The following FHIT variants were observed in gnomAD, a reference collection of about 807,000 sequenced individuals.
The protein encoded by FHIT is bis(5'-adenosyl)-triphosphatase.
A neutral mutation model predicts 17.9 loss-of-function variants in FHIT; 19 were observed. The observed-to-expected ratio is 1.06, with a 90% CI of 0.74 to 1.56. The LOEUF (loss-of-function observed/expected upper bound fraction) is 1.56, where lower values mean the gene tolerates loss of function less well. Among genes scored for constraint, FHIT ranks in the 40% most tolerant of loss-of-function variants. The pLI is 0.00. For synonymous variants in FHIT, 81 were observed against 69.7 expected, an observed-to-expected ratio of 1.16 and a Z score of -0.81; for missense variants, 248 against 189.2, an observed-to-expected ratio of 1.31 and a Z score of -1.82.
intron 5 of FHIT, among the ~76,000 whole-genome samples, chr3:60,310,380 G>A (rs1436228908): frequency 1.3e-5 from 2 of 152,172 alleles, no homozygotes; most frequent in East Asian, 1.9e-4. Flanking sequence ...CCTGGGGCAA[G>A]AAGTAGAACA....
chr3:60,629,673 G>A (rs1385667695), intron 4 of FHIT, among the ~76,000 whole-genome samples: 1 of 152,202 alleles, frequency 6.6e-6, no homozygotes, highest in Non-Finnish European at 1.5e-5. Context: ...CCTTAAAGCT[G>A]AGTAGCCGTC....
chr3:60,126,317 T>C (rs980959796), intron 5 of FHIT, among the ~76,000 whole-genome samples: 2 of 152,160 alleles, frequency 1.3e-5, no homozygotes, highest in African/African-American at 4.8e-5. Flanking sequence ...CCAGTGCCTC[T>C]CTATATCGTC....
chr3:60,321,535 A>T (rs1709433311), intron 5 of FHIT, among the ~76,000 whole-genome samples: 1 of 152,170 alleles, frequency 6.6e-6, no homozygotes. Context: ...AGAGATGCAT[A>T]ATCAGGCATT....
chr3:59,808,672 G>A (rs1262326988), intron 8 of FHIT, among the ~76,000 whole-genome samples: 5 of 152,150 alleles, frequency 3.3e-5, no homozygotes, highest in Non-Finnish European at 7.4e-5. Flanking sequence ...AGTTTCAGTT[G>A]GCCGTTTGGG....
chr3:59,970,600 C>A (rs557801779), intron 7 of FHIT, among the ~76,000 whole-genome samples: 42 of 152,222 alleles, frequency 2.8e-4, no homozygotes, highest in Admixed American at 2.4e-3. Context: ...AATGTGTTAT[C>A]TGGCAAGGAC....
chr3:60,793,610 C>T lies in FHIT; in HGVS notation c.-18+28309G>A, dbSNP rs924436275. 5.9e-5 allele frequency among the ~76,000 whole-genome samples: 9 copies of T among 152,124 alleles called. No homozygotes were observed. The South Asian group carries it at 8.3e-4, about 14-fold the overall frequency. On this transcript the variant is annotated intron_variant, in intron 4 of 9. Transcript: ENST00000492590. The stretch of plus-strand genomic sequence containing the variant: ...GAGCCATAGCGCCCAGACAAACAAG[C>T]GGGGGTTTCTTAAGGAAGGGCTTCC...
At chr3:60,527,939 GC>G (rs1450717690) in intron 5 of FHIT, among the ~76,000 whole-genome samples, 1 of 152,214 alleles carries the variant, frequency 6.6e-6, no homozygotes, top group African/African-American at 2.4e-5. Flanking sequence ...CTGTGCCTCA[GC>G]TTTTCCATTC....
chr3:60,057,571 C>A (rs529833135), intron 5 of FHIT, among the ~76,000 whole-genome samples: 151 of 152,158 alleles, frequency 9.9e-4, no homozygotes, highest in Non-Finnish European at 7.4e-4. Flanking sequence ...TGAAACCAAC[C>A]CAATAATCCC....
chr3:60,312,592 T>G (rs909718691), intron 5 of FHIT, among the ~76,000 whole-genome samples: 1 of 152,186 alleles, frequency 6.6e-6, no homozygotes, highest in Non-Finnish European at 1.5e-5. Flanking sequence ...AGCTTCTGAT[T>G]TAACAGTTCT....
intron 6 of FHIT, among the ~76,000 whole-genome samples, chr3:60,012,271 T>TG (rs1700170587): frequency 1.3e-5 from 2 of 148,856 alleles, no homozygotes; most frequent in African/African-American, 5.0e-5. Flanking sequence ...TTGTTGTTTT[T>TG]TTTTTTTTTT....
At chr3:60,842,641 ATATATTT>A (rs1702773517) in intron 3 of FHIT, among the ~76,000 whole-genome samples, 28 of 47,164 alleles carry the variant, frequency 5.9e-4, no homozygotes, top group African/African-American at 1.5e-3. Context: ...ATATATATAT[ATATATTT>A]TTTTTTTTTT....
intron 3 of FHIT, among the ~76,000 whole-genome samples, chr3:60,959,370 T>C (rs1709306292): frequency 6.6e-6 from 1 of 152,212 alleles, no homozygotes; most frequent in Admixed American, 6.5e-5. Flanking sequence ...CATAGCATCA[T>C]CAGCTGCAAT....
At chr3:60,924,070 C>T (rs1553769166) in intron 3 of FHIT, among the ~76,000 whole-genome samples, 1 of 152,224 alleles carries the variant, frequency 6.6e-6, no homozygotes, top group Non-Finnish European at 1.5e-5. Context: ...GAAGCTCGAA[C>T]TCGGTGGAGC....
intron 5 of FHIT, among the ~76,000 whole-genome samples, chr3:60,161,806 G>A (rs1441623981): frequency 6.6e-6 from 1 of 152,122 alleles, no homozygotes; most frequent in Non-Finnish European, 1.5e-5. Context: ...GACACACAAA[G>A]AGGGGCACCT....
At chr3:60,680,619 T>G (rs1209164178) in intron 4 of FHIT, among the ~76,000 whole-genome samples, 5 of 151,800 alleles carry the variant, frequency 3.3e-5, no homozygotes, top group African/African-American at 1.2e-4. Context: ...TACCAAACTC[T>G]GCAAAACTTT....
At chr3:61,206,469 T>C (rs2039235854) in intron 1 of FHIT, among the ~76,000 whole-genome samples, 1 of 152,042 alleles carries the variant, frequency 6.6e-6, no homozygotes. Flanking sequence ...GTTCTTCCAT[T>C]TGTTTGTATC....
chr3:59,978,827 A>C (rs889349332), intron 7 of FHIT, among the ~76,000 whole-genome samples: 3 of 151,732 alleles, frequency 2.0e-5, no homozygotes, highest in African/African-American at 7.3e-5. Flanking sequence ...AAAAAGGCTA[A>C]AACTCAATGG....
intron 4 of FHIT, among the ~76,000 whole-genome samples, chr3:60,807,993 A>G (rs1553734860): frequency 6.6e-6 from 1 of 152,238 alleles, no homozygotes; most frequent in Non-Finnish European, 1.5e-5. Flanking sequence ...AGGCAGTCCA[A>G]TCCAAAGTGT....
chr3:60,558,369 G>A (rs1396650695), intron 4 of FHIT, among the ~76,000 whole-genome samples: 5 of 151,820 alleles, frequency 3.3e-5, no homozygotes, highest in Non-Finnish European at 5.9e-5. Flanking sequence ...CATGCCTGAA[G>A]TAGGGTTGCT....
Sources: gnomAD v4.1 joint callset for allele counts (sites outside exome capture counted in the v4.1 genomes callset) on GRCh38, gnomAD v4.1.1 for gene constraint, MANE v1.5 for transcripts, NCBI Gene and HGNC (gene_info 2026-07-23, HGNC 2026-07-21) for gene names.